The following THSD4 variants were observed in gnomAD, a reference collection of about 807,000 sequenced individuals.
THSD4 encodes the protein thrombospondin type-1 domain-containing protein 4.
THSD4 carries 69 observed loss-of-function variants against 119.0 expected under a neutral mutation model. The observed-to-expected ratio is 0.58, with a 90% CI of 0.48 to 0.71. THSD4 has a LOEUF of 0.71. THSD4 is among the 30% of genes least tolerant of loss of function. The pLI is 0.00. For synonymous variants in THSD4, 524 were observed against 540.4 expected (o/e 0.97, Z 0.42); for missense variants, 1,393 against 1,391.1 (o/e 1.00, Z -0.02).
chr15:71,307,923 C>T (rs2045053805), intron 6 of THSD4, among the ~76,000 whole-genome samples: 1 of 152,180 alleles, frequency 6.6e-6, no homozygotes. Flanking sequence ...TGGAGTTGCA[C>T]AGGGATGTGC....
intron 8 of THSD4, among the ~76,000 whole-genome samples, chr15:71,682,572 CTTTT>C (rs33972227): frequency 7.1e-6 from 1 of 141,808 alleles, no homozygotes; most frequent in African/African-American, 2.6e-5. Flanking sequence ...TTGTATCTGG[CTTTT>C]TTTTTTTTTT....
intron 8 of THSD4, among the ~76,000 whole-genome samples, chr15:71,716,980 A>T (rs1311740731): frequency 6.6e-6 from 1 of 152,148 alleles, no homozygotes; most frequent in Non-Finnish European, 1.5e-5. Context: ...CCCACCTCGG[A>T]TATCTTATTT....
At chr15:71,366,849 T>C (rs943042649) in intron 6 of THSD4, among the ~76,000 whole-genome samples, 1 of 152,140 alleles carries the variant, frequency 6.6e-6, no homozygotes, top group Non-Finnish European at 1.5e-5. Flanking sequence ...GTCCCAACAA[T>C]TGTAGGGAGA....
At chr15:71,473,165 C>T (rs1488814255) in intron 7 of THSD4, among the ~76,000 whole-genome samples, 2 of 151,772 alleles carry the variant, frequency 1.3e-5, no homozygotes, top group Admixed American at 1.3e-4. Context: ...CAAGCAAATC[C>T]TCCTGCCTCA....
intron 6 of THSD4, among the ~76,000 whole-genome samples, chr15:71,316,861 T>A (rs2045194131): frequency 6.6e-6 from 1 of 152,214 alleles, no homozygotes; most frequent in Non-Finnish European, 1.5e-5. Context: ...AATACCAAAG[T>A]ATTATACTTT....
intron 6 of THSD4, among the ~76,000 whole-genome samples, chr15:71,287,166 T>A (rs1240718647): frequency 3.3e-5 from 5 of 152,344 alleles, no homozygotes; most frequent in African/African-American, 1.2e-4. Flanking sequence ...CTGGAAGATA[T>A]GCCCGACAAA....
chr15:71,445,100 TACCTTTTCCTA>T (rs1479589002), intron 7 of THSD4, among the ~76,000 whole-genome samples: 2 of 152,100 alleles, frequency 1.3e-5, no homozygotes, highest in African/African-American at 4.8e-5. Flanking sequence ...CTATGGGGAA[TACCTTTTCCTA>T]TCTGTACACA....
intron 7 of THSD4, among the ~76,000 whole-genome samples, chr15:71,649,447 G>T (rs928894092): frequency 5.9e-5 from 9 of 151,996 alleles, no homozygotes; most frequent in African/African-American, 2.2e-4. Context: ...GCTAATTTTT[G>T]TATTTTTTTA....
upstream of THSD4, chr15:71,111,575 T>C (rs1255494914): frequency 1.3e-5 from 8 of 639,588 alleles, no homozygotes; most frequent in Middle Eastern, 1.3e-3. Flanking sequence ...TATTTTCTTA[T>C]TATTTGCTGG....
intron 6 of THSD4, among the ~76,000 whole-genome samples, chr15:71,408,617 C>T (rs992302161): frequency 3.9e-5 from 6 of 151,908 alleles, no homozygotes; most frequent in Non-Finnish European, 8.8e-5. Flanking sequence ...TTTGGGAGGC[C>T]GAGGCAGAAG....
chr15:71,492,465 A>C (rs929101611), intron 7 of THSD4, among the ~76,000 whole-genome samples: 2 of 151,544 alleles, frequency 1.3e-5, no homozygotes, highest in Non-Finnish European at 2.9e-5. Context: ...TTGTATTTTT[A>C]ATAGAGGGGG....
chr15:71,740,805 G>A (rs948199392), intron 11 of THSD4, among the ~76,000 whole-genome samples: 2 of 152,154 alleles, frequency 1.3e-5, no homozygotes, highest in African/African-American at 4.8e-5. Context: ...TATCTGGCCA[G>A]CAAAGTCCTG....
intron 3 of THSD4, among the ~76,000 whole-genome samples, chr15:71,190,279 T>C (rs1468162290): frequency 6.6e-6 from 1 of 152,256 alleles, no homozygotes; most frequent in East Asian, 1.9e-4. Flanking sequence ...AAATTCTGTT[T>C]GTTTGTGGAA....
At chr15:71,753,869 A>T (rs2053491747) in intron 14 of THSD4, among the ~76,000 whole-genome samples, 1 of 152,148 alleles carries the variant, frequency 6.6e-6, no homozygotes, top group Admixed American at 6.5e-5. Flanking sequence ...CATCCATGTG[A>T]TGTCCTCCCA....
At chr15:71,562,373 G>A (rs1487360250) in intron 7 of THSD4, among the ~76,000 whole-genome samples, 1 of 148,384 alleles carries the variant, frequency 6.7e-6, no homozygotes, top group Non-Finnish European at 1.5e-5. Flanking sequence ...GTGTTGGAAG[G>A]TGGTAGGAAG....
chr15:71,492,781 G>A (rs1455274827), intron 7 of THSD4, among the ~76,000 whole-genome samples: 5 of 152,106 alleles, frequency 3.3e-5, no homozygotes, highest in East Asian at 1.9e-4. Context: ...TTCTAAAGAA[G>A]CCCCTAAATC....
At chr15:71,367,291 C>CT (rs571372999) in intron 6 of THSD4, among the ~76,000 whole-genome samples, 85 of 151,450 alleles carry the variant, frequency 5.6e-4, no homozygotes, top group African/African-American at 1.7e-3. Flanking sequence ...CTATGCCATT[C>CT]TTTTTTTTAT....
chr15:71,363,900 G>A (rs1253636106), intron 6 of THSD4, among the ~76,000 whole-genome samples: 2 of 152,182 alleles, frequency 1.3e-5, no homozygotes, highest in African/African-American at 4.8e-5. Context: ...TGCAGAAAGG[G>A]TTCCTTGAAC....
intron 6 of THSD4, among the ~76,000 whole-genome samples, chr15:71,265,425 GA>G (rs2044452723): frequency 6.6e-6 from 1 of 152,126 alleles, no homozygotes; most frequent in Non-Finnish European, 1.5e-5. Context: ...CTCTAGCCCA[GA>G]TACTACGCTT....
Sources: allele counts gnomAD v4.1 joint callset (sites outside exome capture counted in the v4.1 genomes callset), GRCh38; gene constraint gnomAD v4.1.1; transcripts MANE v1.5; gene names NCBI Gene and HGNC (gene_info 2026-07-23, HGNC 2026-07-21).